GPC5: variants seen among roughly 807,000 people sequenced by gnomAD.
GPC5 encodes the protein glypican-5.
Under a neutral mutation model 53.9 loss-of-function variants are expected in GPC5, and 47 were observed. The observed-to-expected ratio is 0.87, with a 90% CI of 0.69 to 1.11. The LOEUF is 1.11. GPC5 is among the 50% of genes most tolerant of loss of function. GPC5 has a pLI of 0.00. For missense variants in GPC5, 748 were observed against 713.1 expected (o/e 1.05, Z -0.56); for synonymous variants, 286 against 263.3 (o/e 1.09, Z -0.84).
At position 92,540,360 on chromosome 13, in the gene GPC5, T is replaced by C. The variant is rs138388763; in HGVS notation, c.1562-325922T>C. 4.7e-3 allele frequency among the ~76,000 whole-genome samples: 722 copies of C among 152,036 alleles called. 7 individuals are homozygous for C. Among genetic ancestry groups the C allele is most frequent in the African/African-American group, 0.016 (662 of 41,522 alleles). On this transcript the variant is annotated intron_variant, in intron 7 of 7. Coordinates refer to ENST00000377067, the MANE Select transcript of GPC5 (RefSeq NM_004466.6). ...GGTGTTAGATGACTATAAATATGAA[T>C]ACGATAATAGTGGTCCTATAGAAAA...
intron 7 of GPC5, among the ~76,000 whole-genome samples, chr13:92,356,943 A>G (rs1007059163): frequency 6.6e-6 from 1 of 152,166 alleles, no homozygotes; most frequent in Admixed American, 6.5e-5. Flanking sequence ...GTTTAGTGAC[A>G]GTTTACAAGT....
At chr13:92,262,124 C>T (rs925399914) in intron 7 of GPC5, among the ~76,000 whole-genome samples, 1 of 152,146 alleles carries the variant, frequency 6.6e-6, no homozygotes, top group African/African-American at 2.4e-5. Context: ...CAAAACTTCT[C>T]TGCCCTTTTC....
intron 6 of GPC5, among the ~76,000 whole-genome samples, chr13:92,029,306 A>G (rs764631257): frequency 4.6e-5 from 7 of 152,224 alleles, no homozygotes; most frequent in Non-Finnish European, 7.3e-5. Context: ...CTGATGTTCT[A>G]TGAAATTTTG....
intron 6 of GPC5, among the ~76,000 whole-genome samples, chr13:91,945,994 A>C (rs988850368): frequency 1.3e-5 from 2 of 151,756 alleles, no homozygotes; most frequent in Non-Finnish European, 2.9e-5. Flanking sequence ...TTGGCACTTA[A>C]CTCTGGTCCA....
At chr13:92,539,671 C>T (rs1881861754) in intron 7 of GPC5, among the ~76,000 whole-genome samples, 2 of 151,780 alleles carry the variant, frequency 1.3e-5, no homozygotes, top group Non-Finnish European at 2.9e-5. Context: ...TTCTTTCCAT[C>T]CTTCCCTTTC....
intron 7 of GPC5, among the ~76,000 whole-genome samples, chr13:92,477,838 C>T (rs1371650262): frequency 6.6e-6 from 1 of 151,888 alleles, no homozygotes; most frequent in Non-Finnish European, 1.5e-5. Flanking sequence ...AGCAGTCATT[C>T]ACTGCACAGC....
chr13:92,149,974 G>A (rs2041895580), intron 7 of GPC5, among the ~76,000 whole-genome samples: 2 of 151,610 alleles, frequency 1.3e-5, no homozygotes, highest in East Asian at 1.9e-4. Context: ...TATTGATTAT[G>A]CATATTCTTT....
intron 2 of GPC5, among the ~76,000 whole-genome samples, chr13:91,642,308 A>G (rs1252171468): frequency 1.3e-5 from 2 of 152,206 alleles, no homozygotes; most frequent in African/African-American, 4.8e-5. Flanking sequence ...GTTTTAATAA[A>G]GTCATTGGGA....
At chr13:92,287,013 C>T (rs888629245) in intron 7 of GPC5, among the ~76,000 whole-genome samples, 11 of 152,148 alleles carry the variant, frequency 7.2e-5, no homozygotes, top group African/African-American at 9.7e-5. Context: ...ACCATGTTGT[C>T]ACCTTTATCT....
At chr13:91,525,306 A>C (rs1341437390) in intron 2 of GPC5, among the ~76,000 whole-genome samples, 1 of 152,242 alleles carries the variant, frequency 6.6e-6, no homozygotes, top group African/African-American at 2.4e-5. Context: ...GAAGATGTTT[A>C]TATGACAAGA....
chr13:92,387,883 G>A lies in GPC5; in HGVS notation c.1561+242894G>A, dbSNP rs142482387. 1.2e-3 allele frequency among the ~76,000 whole-genome samples: 180 copies of A among 152,208 alleles called. 1 individual carries two copies. In the East Asian group the frequency reaches 0.027, roughly 23 times the overall value. The stretch of plus-strand genomic sequence containing the variant: ...TATTCCGTGTAAGGCATGTGAAATA[G>A]TTCCTAGCAGATAATCAGTACACAG... On this transcript the variant is annotated intron_variant, in intron 7 of 7. Transcript: ENST00000377067.
intron 2 of GPC5, among the ~76,000 whole-genome samples, chr13:91,507,244 A>G (rs987843781): frequency 1.3e-5 from 2 of 152,120 alleles, no homozygotes; most frequent in Non-Finnish European, 2.9e-5. Context: ...CTGTCATCAC[A>G]TGGCAGAATG....
At chr13:92,091,924 G>T (rs2041384354) in intron 6 of GPC5, among the ~76,000 whole-genome samples, 1 of 152,054 alleles carries the variant, frequency 6.6e-6, no homozygotes, top group Non-Finnish European at 1.5e-5. Context: ...AACACCAACA[G>T]ATTTGCTTTT....
chr13:92,397,274 G>C, intron 7 of GPC5, among the ~76,000 whole-genome samples: 1 of 152,246 alleles, frequency 6.6e-6, no homozygotes, highest in Middle Eastern at 3.4e-3. Flanking sequence ...TGGGGGCTGG[G>C]GGGGGTTCCC....
At chr13:92,291,821 C>T (rs2042998760) in intron 7 of GPC5, among the ~76,000 whole-genome samples, 2 of 152,132 alleles carry the variant, frequency 1.3e-5, no homozygotes, top group Admixed American at 1.3e-4. Context: ...GAACGAACAA[C>T]TCCAGACGCA....
At chr13:92,021,645 A>G (rs1278927667) in intron 6 of GPC5, among the ~76,000 whole-genome samples, 4 of 152,212 alleles carry the variant, frequency 2.6e-5, no homozygotes, top group Non-Finnish European at 5.9e-5. Flanking sequence ...AAATAAAATA[A>G]AAATCCTACT....
At chr13:92,799,727 A>G (rs1876831410) in intron 7 of GPC5, among the ~76,000 whole-genome samples, 1 of 151,686 alleles carries the variant, frequency 6.6e-6, no homozygotes, top group African/African-American at 2.4e-5. Context: ...CATGTCGTCA[A>G]CCCTATCAAG....
chr13:91,986,896 A>G (rs2040413078), intron 6 of GPC5, among the ~76,000 whole-genome samples: 1 of 141,024 alleles, frequency 7.1e-6, no homozygotes, highest in African/African-American at 2.5e-5. Flanking sequence ...TGCTTTGCCA[A>G]TGGATTCTTG....
chr13:91,839,809 T>C (rs1319878733), intron 5 of GPC5, among the ~76,000 whole-genome samples: 2 of 152,280 alleles, frequency 1.3e-5, no homozygotes, highest in Non-Finnish European at 2.9e-5. Context: ...AATAATTTTT[T>C]TTCAAATTGT....
Sources: allele counts gnomAD v4.1 joint callset (sites outside exome capture counted in the v4.1 genomes callset), GRCh38; gene constraint gnomAD v4.1.1; transcripts MANE v1.5; gene names NCBI Gene and HGNC (gene_info 2026-07-23, HGNC 2026-07-21).